Variants in PKD1L1 observed in about 807,000 individuals in gnomAD.
PKD1L1 encodes polycystin 1 like 1, transient receptor potential channel interacting, also known as polycystin-1-like protein 1.
In PKD1L1, 236 loss-of-function variants were observed where a neutral mutation model predicts 323.4. That is an observed-to-expected ratio of 0.73 (90% CI 0.66 to 0.81). The LOEUF is 0.81. Among genes scored for constraint, PKD1L1 ranks in the 40% least tolerant of loss-of-function variants. The pLI, the probability that PKD1L1 is intolerant of heterozygous loss-of-function variation, is 0.00. For missense variants in PKD1L1, 3,320 were observed against 3,508.0 expected, an observed-to-expected ratio of 0.95 and a Z score of 1.35; for synonymous variants, 1,344 against 1,335.0, an observed-to-expected ratio of 1.01 and a Z score of -0.15.
intron 54 of PKD1L1, among the ~76,000 whole-genome samples, chr7:47,798,168 C>T (rs1210256680): frequency 1.3e-5 from 2 of 152,130 alleles, no homozygotes; most frequent in Non-Finnish European, 2.9e-5. Context: ...AGGACTCATC[C>T]ATGCTACTTT....
At position 47,885,880 on chromosome 7, in the gene PKD1L1, G is replaced by T. The variant is rs759155236; in HGVS notation, c.3011C>A (p.Ala1004Asp). The change falls in exon 18 of 57, where the codon GCT becomes GAT. Residue 1004 changes from alanine to aspartate, a missense_variant. Transcript: ENST00000289672. ...GGGCTCTGTGGGGGTTCCCCTTGGA[G>T]CTGAAGTGGCAGGTTGGCCAAGGGT... ...PVTLGQPATS[A>D]PRGTPTEPMT... 1 of 1,614,110 alleles carries T rather than the reference G, an allele frequency of 6.2e-7. No homozygotes were observed. Among genetic ancestry groups the T allele is most frequent in the East Asian group, 2.2e-5 (1 of 44,884 alleles).
chr7:47,865,608 C>T (rs189649880), intron 25 of PKD1L1, among the ~76,000 whole-genome samples: 244 of 63,252 alleles, frequency 3.9e-3, no homozygotes, highest in African/African-American at 0.025. Context: ...TTTTTTGAGA[C>T]GGAGTCTCGC....
In PKD1L1 at chr7:47,852,087, T is replaced by TAAGTA. The variant is rs1183168808; in HGVS notation, c.4960+1035_4960+1039dup. Among the ~76,000 whole-genome samples the TAAGTA allele has an allele frequency of 2.0e-5, 3 of 152,290 alleles. No homozygotes were observed. The East Asian group carries it at 5.8e-4, about 29-fold the overall frequency. On this transcript the variant is annotated intron_variant, in intron 31 of 56. Transcript: ENST00000289672. ...AATGCCCTTGTTTTCATGAGATGTT[T>TAAGTA]AAGTATTCAGGGGTGGTATGTCATG...
At chr7:47,844,182 T>G (rs1785618105) in intron 33 of PKD1L1, among the ~76,000 whole-genome samples, 1 of 152,218 alleles carries the variant, frequency 6.6e-6, no homozygotes, top group Admixed American at 6.5e-5. Context: ...TGAGCCCTGA[T>G]CACTGAATGG....
At chr7:47,960,355 A>G in the PKD1L1 span, among the ~76,000 whole-genome samples, 1 of 141,974 alleles carries the variant, frequency 7.0e-6, no homozygotes, top group Non-Finnish European at 1.5e-5. Context: ...GAAACACCCA[A>G]GAATGATCAA....
chr7:47,934,651 G>A (rs2686819), intron 4 of PKD1L1, among the ~76,000 whole-genome samples: 122,617 of 152,124 alleles, frequency 0.81, 50,139 homozygotes, highest in East Asian at 1. Context: ...ACCCGTGTCT[G>A]TCCAGATTAA....
chr7:47,959,286 G>A, the PKD1L1 span, among the ~76,000 whole-genome samples: 13 of 147,672 alleles, frequency 8.8e-5, no homozygotes, highest in Non-Finnish European at 1.8e-4. Flanking sequence ...GCCGCCCATC[G>A]TCTGGGATGT....
chr7:47,870,229 A>G (rs983884219), intron 24 of PKD1L1, among the ~76,000 whole-genome samples: 2 of 152,094 alleles, frequency 1.3e-5, no homozygotes, highest in Non-Finnish European at 2.9e-5. Flanking sequence ...CAAGGCGGGG[A>G]AAAAAAGAAT....
intron 27 of PKD1L1, 141 bp downstream of exon 27, chr7:47,858,532 C>T: frequency 1.4e-6 from 1 of 699,454 alleles, no homozygotes; most frequent in South Asian, 2.1e-5. Flanking sequence ...TCTCCAAATA[C>T]CAAAATGCCA....
rs1322750426 is a variant in PKD1L1 at position 47,943,485 on chromosome 7, G to A, written c.71C>T (p.Ser24Phe). ...ERCLQAACCL[S>F]FGGELSVSTD... Reference sequence around the variant, plus strand: ...GCTCACAGACAGCTCACCACCAAAGGAAAGGCAGCAGGCAGCCTGGAGACA... The same window carrying A: ...GCTCACAGACAGCTCACCACCAAAGAAAAGGCAGCAGGCAGCCTGGAGACA... Residue 24 changes from serine to phenylalanine, a missense_variant, in exon 2 of 57, where the codon TCC becomes TTC. Transcript: ENST00000289672. 6 of 1,613,036 alleles carry A rather than the reference G, an allele frequency of 3.7e-6. No individual in the cohort carries two copies. The highest frequency in any genetic ancestry group is 5.1e-6 in the Non-Finnish European group (6 of 1,179,430).
intron 31 of PKD1L1, among the ~76,000 whole-genome samples, chr7:47,847,476 G>A (rs1749788558): frequency 2.0e-5 from 3 of 152,130 alleles, no homozygotes; most frequent in South Asian, 4.1e-4. Flanking sequence ...GCCAGCCTGC[G>A]AAATTTCAGT....
At chr7:47,798,494 A>G (rs1784590291) in intron 54 of PKD1L1, among the ~76,000 whole-genome samples, 1 of 152,250 alleles carries the variant, frequency 6.6e-6, no homozygotes, top group African/African-American at 2.4e-5. Context: ...GCAGTGGCTC[A>G]CGTCTGTAAT....
chr7:47,787,232 TGCAGAAACTTGAGTTCTGCAG>T (rs1174739139), intron 56 of PKD1L1, among the ~76,000 whole-genome samples: 105 of 152,324 alleles, frequency 6.9e-4, no homozygotes, highest in African/African-American at 2.2e-3. Context: ...AAACTCATGT[TGCAGAAACTTGAGTTCTGCAG>T]GCAGAAACCC....
intron 54 of PKD1L1, among the ~76,000 whole-genome samples, chr7:47,798,774 ACC>A (rs1179995665): frequency 1.5e-4 from 23 of 150,720 alleles, no homozygotes; most frequent in African/African-American, 5.4e-4. Context: ...AAACAAAAAA[ACC>A]AAAAACAAAG....
At chr7:47,905,702 G>A in intron 10 of PKD1L1, 141 bp downstream of exon 10, 1 of 1,204,942 alleles carries the variant, frequency 8.3e-7, no homozygotes, top group South Asian at 1.5e-5. Context: ...AATGGCAGAT[G>A]AACAAAGAAC....
chr7:47,862,098 G>C (rs1186758730), intron 26 of PKD1L1, among the ~76,000 whole-genome samples: 1 of 151,438 alleles, frequency 6.6e-6, no homozygotes, highest in African/African-American at 2.4e-5. Flanking sequence ...GGGACGCTGA[G>C]ACAGGAGAAT....
chr7:47,838,567 C>G (rs905856915), intron 36 of PKD1L1, among the ~76,000 whole-genome samples: 1 of 152,170 alleles, frequency 6.6e-6, no homozygotes, highest in Non-Finnish European at 1.5e-5. Context: ...GAGACCTACT[C>G]TAAAATGTTG....
At position 47,890,514 on chromosome 7, in the gene PKD1L1, G is replaced by C. The variant is rs371507135; in HGVS notation, c.2675+28C>G. 45 of 1,604,090 alleles carry C rather than the reference G, an allele frequency of 2.8e-5. No individual in the cohort carries two copies. In the African/African-American group the frequency reaches 5.7e-4, roughly 20 times the overall value. On this transcript the variant is annotated intron_variant, in intron 16 of 56. Transcript: ENST00000289672. ...AGGTGGGAACAAACACCGGTGAGCTGAGCTGTGCTGAATACAGGGTCAGGT... is the reference window on the plus strand; with the variant it reads ...AGGTGGGAACAAACACCGGTGAGCTCAGCTGTGCTGAATACAGGGTCAGGT...
rs767352319 is a variant in PKD1L1, at chr7:47,817,994, G to A, written c.6966-2537C>T. ...CCTTTCAAGTATTTGATCTTCATTG[G>A]TTTATACATCTTTAGAACTTAATCT... On this transcript the variant is annotated intron_variant, in intron 46 of 56. Transcript: ENST00000289672. 3.0e-6 allele frequency: 4 copies of A among 1,321,020 alleles called. No individual in the cohort carries two copies. The East Asian group carries it at 1.4e-4, about 47-fold the overall frequency. 81.8% of individuals were successfully genotyped at this position (1,321,020 alleles called of 1,614,324 possible).
Sources: gnomAD v4.1 joint callset for allele counts (sites outside exome capture counted in the v4.1 genomes callset) on GRCh38, gnomAD v4.1.1 for gene constraint, MANE v1.5 for transcripts, NCBI Gene and HGNC (gene_info 2026-07-23, HGNC 2026-07-21) for gene names.